Variants in TASP1 observed in about 807,000 individuals in gnomAD.
The protein encoded by TASP1 is threonine aspartase 1.
Under a neutral mutation model 56.6 loss-of-function variants are expected in TASP1, and 16 were observed. The ratio of observed to expected loss-of-function variants is 0.28; its 90% CI spans 0.19 to 0.43. TASP1 has a LOEUF of 0.43. TASP1 is among the 20% of genes least tolerant of loss of function. The probability of loss-of-function intolerance (pLI) is 1.00; values close to 1 mark genes in which losing one functional copy is unlikely to be tolerated. For synonymous variants in TASP1, 179 were observed against 184.2 expected (o/e 0.97, Z 0.23); for missense variants, 393 against 511.6 (o/e 0.77, Z 2.24).
chr20:13,393,409 C>G (rs1033999709), intron 13 of TASP1: 1 of 754,818 alleles, frequency 1.3e-6, no homozygotes, highest in African/African-American at 1.7e-5. Context: ...ATGGACCTGA[C>G]CTACCGTCTG....
At chr20:13,203,751 C>G in the TASP1 span, among the ~76,000 whole-genome samples, 1 of 152,080 alleles carries the variant, frequency 6.6e-6, no homozygotes, top group Non-Finnish European at 1.5e-5. Flanking sequence ...AGTTTATATG[C>G]CTATAAAAAC....
chr20:13,277,958 G>T, the TASP1 span, among the ~76,000 whole-genome samples: 3,042 of 152,232 alleles, frequency 0.02, 85 homozygotes, highest in African/African-American at 0.067. Flanking sequence ...AAAGGAAGGG[G>T]TTATTTGTCT....
chr20:13,316,880 A>C, the TASP1 span, among the ~76,000 whole-genome samples: 5 of 151,946 alleles, frequency 3.3e-5, no homozygotes, highest in African/African-American at 1.2e-4. Context: ...GGTACAAAGC[A>C]AAAACATCCC....
chr20:13,156,758 A>G, the TASP1 span, among the ~76,000 whole-genome samples: 11 of 152,312 alleles, frequency 7.2e-5, no homozygotes, highest in South Asian at 2.1e-4. Flanking sequence ...TAAGCATTCA[A>G]TCAGTGGTAG....
At chr20:13,542,994 A>C (rs2045680527) in intron 8 of TASP1, among the ~76,000 whole-genome samples, 1 of 152,210 alleles carries the variant, frequency 6.6e-6, no homozygotes, top group African/African-American at 2.4e-5. Context: ...AGATAGATAT[A>C]AACTTTAAAT....
rs977632345 is a variant in TASP1, at chr20:13,484,793, C to T, written c.875-1456G>A. On this transcript the variant is annotated intron_variant, in intron 10 of 13. Coordinates refer to ENST00000337743, the MANE Select transcript of TASP1 (RefSeq NM_017714.3). ...AGCATGTATACACCATGGAATACTA[C>T]GCAGCCATAAAAACGGATGAGTTCA... Among the ~76,000 whole-genome samples, 5 of 149,624 alleles carry T rather than the reference C, an allele frequency of 3.3e-5. No individual in the cohort carries two copies. In the South Asian group the frequency reaches 6.4e-4, roughly 19 times the overall value.
At chr20:13,172,386 T>C in the TASP1 span, among the ~76,000 whole-genome samples, 4 of 152,292 alleles carry the variant, frequency 2.6e-5, no homozygotes, top group East Asian at 7.7e-4. Flanking sequence ...TTCACATCTG[T>C]TAACAGTGTA....
chr20:13,205,859 G>A, the TASP1 span, among the ~76,000 whole-genome samples: 1 of 152,194 alleles, frequency 6.6e-6, no homozygotes, highest in East Asian at 1.9e-4. Context: ...GGCAACTGGA[G>A]CTCATCCCCT....
downstream of TASP1, among the ~76,000 whole-genome samples, chr20:13,387,184 A>ATTTTTTTTTTTTTT (rs779048448): frequency 5.7e-5 from 4 of 70,704 alleles, no homozygotes; most frequent in African/African-American, 2.7e-4. Context: ...ACATGATTTC[A>ATTTTTTTTTTTTTT]TTTTTTTTTT....
chr20:13,360,850 T>C, the TASP1 span, among the ~76,000 whole-genome samples: 9 of 152,174 alleles, frequency 5.9e-5, no homozygotes, highest in Admixed American at 2.6e-4. Context: ...CCCATGACTG[T>C]ATCTCTCTGA....
intron 6 of TASP1, 41 bp downstream of exon 6, chr20:13,580,856 G>A (rs2047095318): frequency 1.9e-6 from 3 of 1,594,850 alleles, no homozygotes; most frequent in African/African-American, 1.3e-5. Context: ...GGATAAAAAT[G>A]CACTAAAGAC....
intron 2 of TASP1, 73 bp downstream of exon 2, chr20:13,629,861 T>C (rs775039783): frequency 8.2e-6 from 13 of 1,594,466 alleles, no homozygotes; most frequent in Non-Finnish European, 1.1e-5. Context: ...GAAATGTGAT[T>C]CTCAGTGTAC....
intron 8 of TASP1, among the ~76,000 whole-genome samples, chr20:13,550,829 C>G (rs867905177): frequency 3.9e-5 from 6 of 152,162 alleles, no homozygotes; most frequent in South Asian, 2.1e-4. Context: ...TCAGGGTCTC[C>G]TCTTCTGGCA....
At chr20:13,281,923 T>C in the TASP1 span, among the ~76,000 whole-genome samples, 1 of 152,172 alleles carries the variant, frequency 6.6e-6, no homozygotes, top group Non-Finnish European at 1.5e-5. Flanking sequence ...CCCTTCCTTA[T>C]GTACCAGTAG....
At chr20:13,157,777 T>C in the TASP1 span, among the ~76,000 whole-genome samples, 2 of 152,220 alleles carry the variant, frequency 1.3e-5, no homozygotes, top group Non-Finnish European at 2.9e-5. Context: ...TGTCTGGCTG[T>C]GTTTCCTTCT....
intron 1 of TASP1, among the ~76,000 whole-genome samples, chr20:13,637,735 A>G (rs2423729): frequency 0.34 from 51,991 of 152,104 alleles, 11,348 homozygotes; most frequent in African/African-American, 0.62. Context: ...GAGAGAAAGC[A>G]GAGAATCTAA....
At chr20:13,443,932 C>T (rs964345918) in intron 11 of TASP1, among the ~76,000 whole-genome samples, 4 of 152,242 alleles carry the variant, frequency 2.6e-5, no homozygotes, top group East Asian at 1.9e-4. Flanking sequence ...ATTAGACAAA[C>T]AAATCCACAG....
At chr20:13,460,758 ATCCGGAATCCAATC>A (rs2044024234) in intron 11 of TASP1, among the ~76,000 whole-genome samples, 1 of 151,970 alleles carries the variant, frequency 6.6e-6, no homozygotes. Flanking sequence ...TTCAAAAACT[ATCCGGAATCCAATC>A]ACTTTCCCAT....
At chr20:13,388,360 T>TCA (rs747886486), downstream of TASP1, among the ~76,000 whole-genome samples, 1 of 152,092 alleles carries the variant, frequency 6.6e-6, no homozygotes, top group African/African-American at 2.4e-5. Flanking sequence ...ATTCTGAATA[T>TCA]CACTATGTTC....
Sources: allele counts gnomAD v4.1 joint callset (sites outside exome capture counted in the v4.1 genomes callset), GRCh38; gene constraint gnomAD v4.1.1; transcripts MANE v1.5; gene names NCBI Gene and HGNC (gene_info 2026-07-23, HGNC 2026-07-21).